DEPDC5: variants seen among roughly 807,000 people sequenced by gnomAD.
The protein encoded by DEPDC5 is DEP domain containing 5, GATOR1 subcomplex subunit, also known as GATOR1 complex protein DEPDC5.
Under a neutral mutation model 217.3 loss-of-function variants are expected in DEPDC5, and 73 were observed. The observed-to-expected ratio is 0.34, with a 90% CI of 0.28 to 0.41. The LOEUF (loss-of-function observed/expected upper bound fraction) is 0.41. Among genes scored for constraint, DEPDC5 ranks in the 10% least tolerant of loss-of-function variants. The probability of loss-of-function intolerance (pLI) is 1.00; values close to 1 mark genes in which losing one functional copy is unlikely to be tolerated. For missense variants in DEPDC5, 1,675 were observed against 2,070.1 expected (o/e 0.81, Z 3.70); for synonymous variants, 733 against 756.7 (o/e 0.97, Z 0.51).
intron 33 of DEPDC5, among the ~76,000 whole-genome samples, chr22:31,863,871 C>T (rs945459638): frequency 2.7e-5 from 4 of 150,884 alleles, no homozygotes; most frequent in Non-Finnish European, 5.9e-5. Context: ...TGCAGTGAGC[C>T]GAGATTGTGC....
chr22:31,877,971 A>T (rs1181011448), intron 37 of DEPDC5, among the ~76,000 whole-genome samples: 2 of 151,920 alleles, frequency 1.3e-5, no homozygotes, highest in Non-Finnish European at 2.9e-5. Context: ...GTGGATCATG[A>T]GGTCAAGAGA....
At chr22:31,786,900 T>A (rs1218173023) in intron 10 of DEPDC5, among the ~76,000 whole-genome samples, 1 of 152,010 alleles carries the variant, frequency 6.6e-6, no homozygotes. Flanking sequence ...TGCCTCACCC[T>A]CCTGAGTAGC....
At chr22:31,877,248 C>A (rs781427108) in intron 37 of DEPDC5, among the ~76,000 whole-genome samples, 1 of 149,598 alleles carries the variant, frequency 6.7e-6, no homozygotes, top group Non-Finnish European at 1.5e-5. Flanking sequence ...CCAGCCTGGG[C>A]AACACGATGA....
At chr22:31,821,127 C>T (rs2089655490) in intron 22 of DEPDC5, among the ~76,000 whole-genome samples, 1 of 152,208 alleles carries the variant, frequency 6.6e-6, no homozygotes, top group Non-Finnish European at 1.5e-5. Context: ...TTGTTACTCT[C>T]CTAGGTATTA....
chr22:31,792,683 A>G, intron 11 of DEPDC5, 62 bp from the exon 12 acceptor site: 2 of 1,194,988 alleles, frequency 1.7e-6, no homozygotes, highest in Non-Finnish European at 1.2e-6. Context: ...CAGAAGAGGA[A>G]GCTGACAAAA....
chr22:31,755,664 C>T (rs976077421), intron 2 of DEPDC5, among the ~76,000 whole-genome samples: 5 of 152,018 alleles, frequency 3.3e-5, no homozygotes, highest in Non-Finnish European at 7.4e-5. Context: ...TCAACCTCAA[C>T]CTCCCTAATA....
At chr22:31,880,104 C>T (rs1019411109) in intron 38 of DEPDC5, 6 of 283,714 alleles carry the variant, frequency 2.1e-5, no homozygotes, top group Non-Finnish European at 4.2e-5. Context: ...TGCCGGAGCC[C>T]CTCCCTACAA....
chr22:31,773,993 C>T (rs1337004419), intron 7 of DEPDC5, among the ~76,000 whole-genome samples: 1 of 151,808 alleles, frequency 6.6e-6, no homozygotes, highest in Non-Finnish European at 1.5e-5. Context: ...ATTGCTTGAA[C>T]CTGGGAGGCA....
At chr22:31,798,550 T>A in intron 13 of DEPDC5, 32 bp from the exon 14 acceptor site, 1 of 1,581,418 alleles carries the variant, frequency 6.3e-7, no homozygotes, top group Middle Eastern at 1.7e-4. Flanking sequence ...TTTCATGAGA[T>A]GTTTTTCTTT....
chr22:31,849,395 A>G (rs772879012), intron 31 of DEPDC5, among the ~76,000 whole-genome samples: 3 of 152,182 alleles, frequency 2.0e-5, no homozygotes, highest in Non-Finnish European at 4.4e-5. Context: ...GAAACTTAAA[A>G]TCATGGTGGA....
At chr22:31,848,436 T>C (rs568096970) in intron 31 of DEPDC5, among the ~76,000 whole-genome samples, 23 of 152,320 alleles carry the variant, frequency 1.5e-4, no homozygotes, top group African/African-American at 4.8e-4. Flanking sequence ...GTTCTTGACT[T>C]CTGTGTACCT....
intron 2 of DEPDC5, among the ~76,000 whole-genome samples, chr22:31,756,979 A>C (rs189513486): frequency 6.6e-6 from 1 of 151,950 alleles, no homozygotes; most frequent in African/African-American, 2.4e-5. Flanking sequence ...TATTAGGTGT[A>C]TACCTGTGCC....
At chr22:31,772,200 G>A (rs939805021) in intron 7 of DEPDC5, among the ~76,000 whole-genome samples, 3 of 152,168 alleles carry the variant, frequency 2.0e-5, no homozygotes, top group Non-Finnish European at 4.4e-5. Context: ...TTGTACTCCA[G>A]CCTGGGCAAC....
At chr22:31,872,515 T>C (rs899753919) in intron 34 of DEPDC5, among the ~76,000 whole-genome samples, 2 of 152,176 alleles carry the variant, frequency 1.3e-5, no homozygotes, top group African/African-American at 4.8e-5. Flanking sequence ...TTAGTGATGA[T>C]ACTGGGATTC....
At chr22:31,768,732 T>A (rs1313214750) in intron 6 of DEPDC5, 82 bp from the exon 7 acceptor site, 9 of 1,234,470 alleles carry the variant, frequency 7.3e-6, no homozygotes, top group Non-Finnish European at 1.0e-5. Context: ...TTCATGGCCT[T>A]AATATGTTAA....
intron 31 of DEPDC5, among the ~76,000 whole-genome samples, chr22:31,848,691 A>G (rs574380776): frequency 2.0e-5 from 3 of 151,990 alleles, no homozygotes; most frequent in Non-Finnish European, 4.4e-5. Flanking sequence ...CATTTTCCCC[A>G]TTGTCTTGGT....
chr22:31,785,920 C>T (rs959244293), intron 10 of DEPDC5, among the ~76,000 whole-genome samples: 7 of 152,118 alleles, frequency 4.6e-5, no homozygotes, highest in Admixed American at 4.6e-4. Context: ...TTTGGACCCT[C>T]ACCTCAAATC....
At chr22:31,893,789 A>G (rs1193137740) in intron 39 of DEPDC5, 38 bp downstream of exon 39, 1 of 1,520,236 alleles carries the variant, frequency 6.6e-7, no homozygotes, top group African/African-American at 1.4e-5. Flanking sequence ...CCTTTGGCTC[A>G]CCTCACAGTG....
chr22:31,882,685 A>G (rs2093207841), intron 38 of DEPDC5, among the ~76,000 whole-genome samples: 1 of 152,192 alleles, frequency 6.6e-6, no homozygotes, highest in South Asian at 2.1e-4. Context: ...TGCAAAATAA[A>G]TCTGTTAAAT....
Sources: allele counts gnomAD v4.1 joint callset (sites outside exome capture counted in the v4.1 genomes callset), GRCh38; gene constraint gnomAD v4.1.1; transcripts MANE v1.5; gene names NCBI Gene and HGNC (gene_info 2026-07-23, HGNC 2026-07-21).